NUP98: variants seen among roughly 807,000 people sequenced by gnomAD.
NUP98 encodes nuclear pore complex protein Nup98-Nup96.
A neutral mutation model predicts 191.9 loss-of-function variants in NUP98; 26 were observed. That is an observed-to-expected ratio of 0.14 (90% CI 0.10 to 0.19). The LOEUF (loss-of-function observed/expected upper bound fraction) is 0.19. NUP98 is among the 10% of genes least tolerant of loss of function. The pLI is 1.00. For missense variants in NUP98, 1,941 were observed against 2,178.8 expected, an observed-to-expected ratio of 0.89 and a Z score of 2.17; for synonymous variants, 808 against 778.4, an observed-to-expected ratio of 1.04 and a Z score of -0.63.
intron 10 of NUP98, among the ~76,000 whole-genome samples, chr11:3,758,364 A>C (rs1389249850): frequency 6.6e-6 from 1 of 152,108 alleles, no homozygotes; most frequent in Non-Finnish European, 1.5e-5. Flanking sequence ...GTCCCATTAC[A>C]GCAGGTACAA....
At chr11:3,677,412 T>G (rs2077849535) in intron 31 of NUP98, among the ~76,000 whole-genome samples, 1 of 118,550 alleles carries the variant, frequency 8.4e-6, no homozygotes, top group East Asian at 2.0e-4. Flanking sequence ...TAACATAGGT[T>G]TTTTTTTTTT....
Position 3,740,719 on chromosome 11 carries a change from C to T in NUP98, c.1408+3790G>A, listed in dbSNP as rs915215852. ...ATTTAGAGGACCCTCTGATAATAGCCGGTTTCTAGATTACTTACTCTAAAG... is the reference window on the plus strand; with the variant it reads ...ATTTAGAGGACCCTCTGATAATAGCTGGTTTCTAGATTACTTACTCTAAAG... On this transcript the variant is annotated intron_variant, in intron 12 of 32. Transcript: ENST00000324932. Among the ~76,000 whole-genome samples the T allele has an allele frequency of 1.1e-4, 16 of 151,780 alleles. 1 individual carries two copies. The highest frequency in any genetic ancestry group is 1.7e-4 in the African/African-American group (7 of 41,322).
At chr11:3,795,999 A>G (rs1395883830) in intron 1 of NUP98, among the ~76,000 whole-genome samples, 1 of 152,202 alleles carries the variant, frequency 6.6e-6, no homozygotes, top group Non-Finnish European at 1.5e-5. Context: ...TTACCCAAGT[A>G]TTTCCCAGTA....
intron 6 of NUP98, among the ~76,000 whole-genome samples, chr11:3,772,859 T>C (rs1008274404): frequency 6.6e-6 from 1 of 150,550 alleles, no homozygotes; most frequent in Non-Finnish European, 1.5e-5. Context: ...ACACCTGTAA[T>C]CCAAGCTACT....
intron 11 of NUP98, among the ~76,000 whole-genome samples, chr11:3,747,997 G>A (rs530324291): frequency 6.6e-6 from 1 of 152,300 alleles, no homozygotes; most frequent in East Asian, 1.9e-4. Flanking sequence ...GGTTGGGGGT[G>A]TAAAATTCTT....
chr11:3,777,598 G>GT (rs1488082987), intron 4 of NUP98, among the ~76,000 whole-genome samples: 1 of 131,252 alleles, frequency 7.6e-6, no homozygotes. Context: ...TCCAGCCCGG[G>GT]TAACAGATCA....
intron 20 of NUP98, chr11:3,711,954 T>C (rs2079032577): frequency 9.6e-7 from 1 of 1,043,634 alleles, no homozygotes; most frequent in Non-Finnish European, 1.2e-6. Flanking sequence ...GAGGATGCTT[T>C]ACAAAGAAAT....
chr11:3,738,357 A>T (rs1031322939), intron 12 of NUP98, among the ~76,000 whole-genome samples: 1 of 152,228 alleles, frequency 6.6e-6, no homozygotes, highest in Admixed American at 6.5e-5. Flanking sequence ...TTTCAAAATA[A>T]AAGATTCCAA....
chr11:3,688,623 C>T (rs2078202958), intron 28 of NUP98, among the ~76,000 whole-genome samples: 1 of 150,208 alleles, frequency 6.7e-6, no homozygotes, highest in Non-Finnish European at 1.5e-5. Flanking sequence ...GGCAAAACCC[C>T]ATTTCTACTA....
chr11:3,756,264 A>C (rs545515787), intron 10 of NUP98, among the ~76,000 whole-genome samples: 2 of 152,220 alleles, frequency 1.3e-5, no homozygotes, highest in African/African-American at 4.8e-5. Flanking sequence ...ATAAATCCCA[A>C]CTTACACTGT....
chr11:3,746,309 A>C (rs1278946854), intron 11 of NUP98, among the ~76,000 whole-genome samples: 1 of 141,614 alleles, frequency 7.1e-6, no homozygotes, highest in Admixed American at 7.1e-5. Context: ...GCTTTGGGAC[A>C]AAGAATAAGA....
intron 7 of NUP98, among the ~76,000 whole-genome samples, chr11:3,770,169 A>AC (rs1181016022): frequency 6.6e-6 from 1 of 150,794 alleles, no homozygotes; most frequent in African/African-American, 2.4e-5. Flanking sequence ...ACATGGTGAA[A>AC]CCCCAACTCT....
chr11:3,697,355 A>C (rs892968052), intron 25 of NUP98: 5 of 152,210 alleles, frequency 3.3e-5, no homozygotes, highest in African/African-American at 4.8e-5. Flanking sequence ...TTTTCCTGTG[A>C]TTTGTTCCTT....
intron 16 of NUP98, among the ~76,000 whole-genome samples, chr11:3,722,127 T>TTTTG: frequency 6.7e-6 from 1 of 149,898 alleles, no homozygotes; most frequent in African/African-American, 2.5e-5. Flanking sequence ...TTTTTTTTTT[T>TTTTG]TAGGAGACAG....
At chr11:3,707,513 C>T (rs575829695) in intron 20 of NUP98, among the ~76,000 whole-genome samples, 4 of 150,990 alleles carry the variant, frequency 2.6e-5, no homozygotes, top group Admixed American at 6.6e-5. Context: ...TTTGGGAGGC[C>T]GAGGTGGGCA....
chr11:3,756,312 T>A (rs2080956901), intron 10 of NUP98, among the ~76,000 whole-genome samples: 2 of 152,184 alleles, frequency 1.3e-5, no homozygotes, highest in South Asian at 4.1e-4. Context: ...ACTGACAAGT[T>A]TATCGACTTG....
chr11:3,732,734 A>C (rs75641619), intron 13 of NUP98, among the ~76,000 whole-genome samples: 1 of 152,342 alleles, frequency 6.6e-6, no homozygotes, highest in South Asian at 2.1e-4. Flanking sequence ...AGGATGTTCT[A>C]TATTTGTTTT....
chr11:3,676,466 A>C lies in NUP98; in HGVS notation c.5185+43T>G, dbSNP rs778447156. 27 of 1,605,298 alleles carry C rather than the reference A, an allele frequency of 1.7e-5. No individual in the cohort carries two copies. In the Admixed American group the frequency reaches 4.3e-4, roughly 26 times the overall value. On this transcript the variant is annotated intron_variant, in intron 32 of 32. Coordinates refer to ENST00000324932, the MANE Select transcript of NUP98 (RefSeq NM_016320.5). ...GGTGGGGTGTAATAATCATAAAAAC[A>C]GGAAGCAAGAAGGCAGAAAGAGTGA...
rs775968781 is a variant in NUP98, at chr11:3,702,527, C to T, written c.3448G>A (p.Glu1150Lys). 1 of 1,614,098 alleles carries T rather than the reference C, an allele frequency of 6.2e-7. No homozygotes were observed. Among genetic ancestry groups the T allele is most frequent in the Admixed American group, 1.7e-5 (1 of 60,010 alleles). Residue 1150 changes from glutamate (E) to lysine (K), a missense_variant, in exon 23 of 33, where the codon GAA (glutamate) becomes AAA (lysine). By Grantham distance (56) the Glu-to-Lys change is moderately conservative. This residue lies in a region of NUP98 where 1,030 missense variants were observed against 1,115.8 expected (regional missense o/e 0.92). Coordinates refer to ENST00000324932, the MANE Select transcript of NUP98 (RefSeq NM_016320.5). Reference protein sequence around the residue: ...GEQLNGSHELENHQIADSMEF... With the variant: ...GEQLNGSHELKNHQIADSMEF... ...ATGGAATCGGCAATCTGATGATTTT[C>T]TAGTTCATGAGAGCCATTCAGCTGT...
Sources: allele counts gnomAD v4.1 joint callset (sites outside exome capture counted in the v4.1 genomes callset), GRCh38; gene constraint gnomAD v4.1.1; regional missense constraint gnomAD v4.1.1; transcripts MANE v1.5; gene names NCBI Gene and HGNC (gene_info 2026-07-23, HGNC 2026-07-21).